The following PHF14 variants were observed in gnomAD, a reference collection of about 807,000 sequenced individuals.
The protein encoded by PHF14 is PHD finger protein 14.
Under a neutral mutation model 117.9 loss-of-function variants are expected in PHF14, and 55 were observed. The observed-to-expected ratio is 0.47, with a 90% CI of 0.38 to 0.58. The LOEUF (loss-of-function observed/expected upper bound fraction) is 0.58. Ranked by LOEUF, PHF14 falls within the 20% of genes least tolerant of loss-of-function variation. PHF14 has a pLI of 0.00. For missense variants in PHF14, 978 were observed against 1,122.2 expected, an observed-to-expected ratio of 0.87 and a Z score of 1.84; for synonymous variants, 409 against 368.6, an observed-to-expected ratio of 1.11 and a Z score of -1.26.
chr7:11,159,991 T>G (rs111978077), intron 17 of PHF14, among the ~76,000 whole-genome samples: 7 of 152,294 alleles, frequency 4.6e-5, no homozygotes, highest in African/African-American at 1.4e-4. Context: ...TGCTGAGTTT[T>G]GGGGTGTGAT....
At chr7:11,149,311 G>A (rs1788642090) in intron 17 of PHF14, among the ~76,000 whole-genome samples, 1 of 152,110 alleles carries the variant, frequency 6.6e-6, no homozygotes, top group South Asian at 2.1e-4. Flanking sequence ...GTACTGACTC[G>A]TCATGGCAAA....
chr7:11,012,529 T>C (rs573980358), intron 4 of PHF14, among the ~76,000 whole-genome samples: 104 of 152,362 alleles, frequency 6.8e-4, no homozygotes, highest in African/African-American at 2.4e-3. Context: ...CATTGTCAAC[T>C]GTAACTTGTA....
intron 16 of PHF14, among the ~76,000 whole-genome samples, chr7:11,098,337 T>C (rs961449248): frequency 2.6e-5 from 4 of 152,206 alleles, no homozygotes; most frequent in African/African-American, 9.7e-5. Flanking sequence ...CCTTTCGCAG[T>C]GTCTAGCCTC....
At chr7:11,104,854 A>T (rs1295320347) in intron 16 of PHF14, 1 of 929,612 alleles carries the variant, frequency 1.1e-6, no homozygotes, top group Non-Finnish European at 1.3e-6. Flanking sequence ...ACACCACATT[A>T]AGAACCATTC....
chr7:10,974,765 C>G (rs966331566), intron 1 of PHF14, 70 bp from the exon 2 acceptor site: 1 of 802,058 alleles, frequency 1.2e-6, no homozygotes, highest in Non-Finnish European at 2.0e-6. Context: ...TTTATGTTCT[C>G]TTAGCACCAC....
chr7:11,000,313 T>C (rs1188125611), intron 4 of PHF14, among the ~76,000 whole-genome samples: 1 of 151,276 alleles, frequency 6.6e-6, no homozygotes, highest in Non-Finnish European at 1.5e-5. Context: ...ATGTGGAGTA[T>C]CTTTTCATAT....
rs1789305750 is a variant in PHF14, at chr7:11,169,596, CAAT to C, written c.*109_*111del. On this transcript the variant is annotated 3_prime_UTR_variant, in exon 18 of 18. Coordinates refer to ENST00000634607, the MANE Select transcript of PHF14 (RefSeq NM_001007157.2). ...TAAAATCTAATTTGCAAAATGTTCT[CAAT>C]AAAGTCATTCAAAATGAAATAGGAG... 1 of 490,060 alleles carries C rather than the reference CAAT, an allele frequency of 2.0e-6. No individual in the cohort carries two copies. Among genetic ancestry groups the C allele is most frequent in the Non-Finnish European group, 3.6e-6 (1 of 278,994 alleles). The allele number at this position is 490,060 out of a possible 1,614,324, so 30.4% of individuals were successfully genotyped here. A position where few individuals can be genotyped will look rare whatever the true frequency, so the allele number is the denominator to read the frequency against.
At chr7:10,980,664 T>C (rs1172650886) in intron 2 of PHF14, among the ~76,000 whole-genome samples, 2 of 152,186 alleles carry the variant, frequency 1.3e-5, no homozygotes, top group Non-Finnish European at 1.5e-5. Flanking sequence ...TGGCAAAGCC[T>C]AACGGAACTG....
At chr7:11,146,391 C>T (rs1788549313) in intron 17 of PHF14, among the ~76,000 whole-genome samples, 1 of 152,136 alleles carries the variant, frequency 6.6e-6, no homozygotes, top group Non-Finnish European at 1.5e-5. Flanking sequence ...ATCCCTTCTC[C>T]AGCTGTTGCC....
chr7:11,137,292 A>G (rs1030051339), intron 17 of PHF14, among the ~76,000 whole-genome samples: 1 of 152,210 alleles, frequency 6.6e-6, no homozygotes, highest in Non-Finnish European at 1.5e-5. Flanking sequence ...AGAGGTGGCC[A>G]GTGCCTGCCA....
intron 3 of PHF14, among the ~76,000 whole-genome samples, chr7:10,985,638 GTTTTT>G (rs61250143): frequency 1.1e-3 from 50 of 45,944 alleles, no homozygotes; most frequent in African/African-American, 3.5e-3. Flanking sequence ...TTCTCAAACT[GTTTTT>G]TTTTTTTTTT....
chr7:10,993,585 C>G (rs1348332189), intron 4 of PHF14, among the ~76,000 whole-genome samples: 3 of 152,132 alleles, frequency 2.0e-5, no homozygotes, highest in Non-Finnish European at 4.4e-5. Context: ...GACAGACAGG[C>G]AGTAAACAAA....
intron 16 of PHF14, among the ~76,000 whole-genome samples, chr7:11,089,362 T>A (rs1786552076): frequency 6.6e-6 from 1 of 152,178 alleles, no homozygotes; most frequent in South Asian, 2.1e-4. Context: ...CTTTTAAAGC[T>A]TGGATCGTAT....
chr7:11,152,763 ACAAT>A (rs1413705982), intron 17 of PHF14, among the ~76,000 whole-genome samples: 3 of 152,192 alleles, frequency 2.0e-5, no homozygotes, highest in African/African-American at 7.2e-5. Context: ...GTTATGGAAA[ACAAT>A]CTGAGTGATG....
At chr7:11,118,559 A>G (rs2128345194) in intron 17 of PHF14, among the ~76,000 whole-genome samples, 1 of 151,996 alleles carries the variant, frequency 6.6e-6, no homozygotes, top group South Asian at 2.1e-4. Context: ...TTCATACTGA[A>G]CATTTATGTC....
chr7:11,042,877 G>A, intron 13 of PHF14, 63 bp downstream of exon 13: 1 of 1,104,240 alleles, frequency 9.1e-7, no homozygotes. Context: ...AGCAGTATAA[G>A]ATGAAATACT....
chr7:11,089,730 T>C (rs76595498), intron 16 of PHF14, among the ~76,000 whole-genome samples: 2,785 of 151,702 alleles, frequency 0.018, 85 homozygotes, highest in African/African-American at 0.064. Flanking sequence ...GACTTTATGA[T>C]GTGACTTTAG....
intron 4 of PHF14, chr7:11,006,790 T>A: frequency 1.2e-6 from 1 of 807,098 alleles, no homozygotes; most frequent in Non-Finnish European, 2.1e-6. Context: ...CTTTCAACAC[T>A]GCCTTCTTGG....
At chr7:11,061,744 T>A in intron 14 of PHF14, 47 bp from the exon 15 acceptor site, 1 of 1,360,456 alleles carries the variant, frequency 7.4e-7, no homozygotes, top group Non-Finnish European at 9.9e-7. Context: ...AAACATTAGA[T>A]ATACTGTGGA....
Sources: allele counts gnomAD v4.1 joint callset (sites outside exome capture counted in the v4.1 genomes callset), GRCh38; gene constraint gnomAD v4.1.1; transcripts MANE v1.5; gene names NCBI Gene and HGNC (gene_info 2026-07-23, HGNC 2026-07-21).